The following STAU1 variants were observed in gnomAD, a reference collection of about 807,000 sequenced individuals.
STAU1 encodes double-stranded RNA-binding protein Staufen homolog 1.
Under a neutral mutation model 62.9 loss-of-function variants are expected in STAU1, and 13 were observed. That is an observed-to-expected ratio of 0.21 (90% CI 0.13 to 0.33). STAU1 has a LOEUF of 0.33. Ranked by LOEUF, STAU1 falls within the 10% of genes least tolerant of loss-of-function variation. STAU1 has a pLI of 1.00. For synonymous variants in STAU1, 269 were observed against 265.1 expected (o/e 1.01, Z -0.14); for missense variants, 571 against 712.1 (o/e 0.80, Z 2.25).
chr20:49,204,642 A>ATT, the STAU1 span, among the ~76,000 whole-genome samples: 1 of 50,576 alleles, frequency 2.0e-5, no homozygotes, highest in African/African-American at 8.7e-5. Flanking sequence ...ATATATATAT[A>ATT]TATATTTTTT....
At chr20:49,165,938 A>G (rs1474381989) in intron 3 of STAU1, 59 bp downstream of exon 3, 32 of 1,573,742 alleles carry the variant, frequency 2.0e-5, no homozygotes, top group Non-Finnish European at 2.7e-5. Context: ...AACCTATCAG[A>G]TCAGAAAACA....
At chr20:49,206,751 A>ATATTTTTTTTT in the STAU1 span, among the ~76,000 whole-genome samples, 3 of 95,040 alleles carry the variant, frequency 3.2e-5, no homozygotes, top group African/African-American at 1.3e-4. Context: ...ATATATATAT[A>ATATTTTTTTTT]TTTTATTTTA....
At chr20:49,215,693 C>T in the STAU1 span, among the ~76,000 whole-genome samples, 5 of 152,132 alleles carry the variant, frequency 3.3e-5, no homozygotes, top group Non-Finnish European at 5.9e-5. Context: ...CTTGAGTCTC[C>T]GAGAATAAAA....
chr20:49,124,493 T>A lies in STAU1; in HGVS notation c.704A>T (p.Lys235Met). Residue 235 changes from lysine to methionine, a missense_variant, in exon 7 of 14, where the codon AAG becomes ATG. Coordinates refer to ENST00000371856, the MANE Select transcript of STAU1 (RefSeq NM_017453.4). Reference sequence around the variant, plus strand: ...TATGGCGGCATTTTTCTTTGAAATCTTCTTGCTTTTCCCTTCACCTTCCCC... The same window carrying A: ...TATGGCGGCATTTTTCTTTGAAATCATCTTGCTTTTCCCTTCACCTTCCCC... ...FVGEGEGKSKKISKKNAAIAV... is the reference protein window; with the variant it reads ...FVGEGEGKSKMISKKNAAIAV... 2 of 1,614,178 alleles carry A rather than the reference T, an allele frequency of 1.2e-6. No homozygotes were observed. The highest frequency in any genetic ancestry group is 8.5e-7 in the Non-Finnish European group (1 of 1,180,034).
chr20:49,166,210 T>C lies in STAU1; in HGVS notation c.-9A>G. The C allele has an allele frequency of 6.2e-7, 1 of 1,613,956 alleles. No individual in the cohort carries two copies. Among genetic ancestry groups the C allele is most frequent in the Non-Finnish European group, 8.5e-7 (1 of 1,179,876 alleles). The stretch of plus-strand genomic sequence containing the variant: ...ACTTGAACTTGAGACATGGTCACTT[T>C]CAACAAAAGTGAACAAATGCAGGTA... On this transcript the variant is annotated 5_prime_UTR_variant, in exon 3 of 14. Coordinates refer to ENST00000371856, the MANE Select transcript of STAU1 (RefSeq NM_017453.4).
At chr20:49,208,095 C>G in the STAU1 span, among the ~76,000 whole-genome samples, 1 of 151,970 alleles carries the variant, frequency 6.6e-6, no homozygotes, top group African/African-American at 2.4e-5. Context: ...GAGTCTCACT[C>G]TGTCTCCAGG....
rs11470997 is a variant in STAU1, at chr20:49,132,759, C to CCAAAA, written c.609+3069_609+3073dup. Among the ~76,000 whole-genome samples, 122 of 151,342 alleles carry CCAAAA rather than the reference C, an allele frequency of 8.1e-4. 1 individual carries two copies. The highest frequency in any genetic ancestry group is 2.5e-3 in the African/African-American group (104 of 41,268). ...GCGCAACAAGAGCAAAACTCCATCT[C>CCAAAA]CAAAACAAAACAAAACAAAACAAAA... On this transcript the variant is annotated intron_variant, in intron 6 of 13. Transcript: ENST00000371856.
intron 5 of STAU1, 26 bp from the exon 6 acceptor site, chr20:49,135,957 A>G (rs2092873990): frequency 5.1e-6 from 8 of 1,577,958 alleles, no homozygotes; most frequent in Non-Finnish European, 6.9e-6. Context: ...TTTAGTAGTT[A>G]GCTCTTATTA....
the STAU1 span, among the ~76,000 whole-genome samples, chr20:49,203,763 T>C: frequency 1.5e-4 from 23 of 152,242 alleles, no homozygotes; most frequent in Admixed American, 1.1e-3. Flanking sequence ...CTCGGCTTAC[T>C]GCAACCTCCA....
chr20:49,187,159 A>G (rs2093798073), intron 1 of STAU1, among the ~76,000 whole-genome samples: 1 of 152,132 alleles, frequency 6.6e-6, no homozygotes, highest in Non-Finnish European at 1.5e-5. Flanking sequence ...AACTCAAGGG[A>G]AGCTTCTGCC....
At chr20:49,192,708 G>T (rs1038785650), upstream of STAU1, among the ~76,000 whole-genome samples, 1 of 152,112 alleles carries the variant, frequency 6.6e-6, no homozygotes, top group African/African-American at 2.4e-5. Flanking sequence ...GGCTGAAGTG[G>T]GAGAATCGCG....
intron 6 of STAU1, chr20:49,135,047 C>G (rs2092845543): frequency 6.9e-7 from 1 of 1,442,824 alleles, no homozygotes; most frequent in African/African-American, 1.4e-5. Context: ...ATCTCCAGAG[C>G]CCTGGGCAGC....
chr20:49,154,694 T>C (rs2093327677), intron 3 of STAU1, among the ~76,000 whole-genome samples: 1 of 151,882 alleles, frequency 6.6e-6, no homozygotes, highest in African/African-American at 2.4e-5. Flanking sequence ...TGAAACCCTA[T>C]CTCTACTAAA....
chr20:49,169,701 G>A (rs928399240), intron 2 of STAU1, among the ~76,000 whole-genome samples: 8 of 152,166 alleles, frequency 5.3e-5, no homozygotes, highest in African/African-American at 1.7e-4. Flanking sequence ...CTCTTACTGT[G>A]AATTGTGTTG....
chr20:49,188,973 G>A (rs1339227985), upstream of STAU1, among the ~76,000 whole-genome samples: 4 of 152,032 alleles, frequency 2.6e-5, no homozygotes, highest in African/African-American at 4.8e-5. Flanking sequence ...GGCCGAGGCG[G>A]GCGGATCACT....
At chr20:49,126,599 C>CA (rs1600641014) in intron 6 of STAU1, among the ~76,000 whole-genome samples, 1 of 57,284 alleles carries the variant, frequency 1.7e-5, no homozygotes, top group South Asian at 5.0e-4. Context: ...AAAAAAAAAA[C>CA]AAAAAAACTT....
intron 4 of STAU1, among the ~76,000 whole-genome samples, chr20:49,152,710 T>G (rs2093276414): frequency 6.6e-6 from 1 of 152,188 alleles, no homozygotes; most frequent in Non-Finnish European, 1.5e-5. Flanking sequence ...AATTAATATT[T>G]TATTGCACCA....
the STAU1 span, among the ~76,000 whole-genome samples, chr20:49,199,829 T>G: frequency 3.3e-5 from 5 of 152,066 alleles, no homozygotes; most frequent in Non-Finnish European, 7.4e-5. Context: ...CTGCCTCAGC[T>G]TCCCAAAGTG....
chr20:49,204,632 A>G, the STAU1 span, among the ~76,000 whole-genome samples: 32 of 55,212 alleles, frequency 5.8e-4, no homozygotes, highest in African/African-American at 3.0e-3. Context: ...ATGTGTATAT[A>G]TATATATATA....
Sources: gnomAD v4.1 joint callset for allele counts (sites outside exome capture counted in the v4.1 genomes callset) on GRCh38, gnomAD v4.1.1 for gene constraint, MANE v1.5 for transcripts, NCBI Gene and HGNC (gene_info 2026-07-23, HGNC 2026-07-21) for gene names.